Variants in ANO2 observed in about 807,000 individuals in gnomAD.
The protein encoded by ANO2 is anoctamin 2.
Under a neutral mutation model 124.2 loss-of-function variants are expected in ANO2, and 101 were observed. The ratio of observed to expected loss-of-function variants is 0.81; its 90% confidence interval spans 0.69 to 0.96. The LOEUF is 0.96. Among genes scored for constraint, ANO2 ranks in the 40% least tolerant of loss-of-function variants. The pLI, the probability that ANO2 is intolerant of heterozygous loss-of-function variation, is 0.00. For synonymous variants in ANO2, 486 were observed against 482.5 expected (o/e 1.01, Z -0.09); for missense variants, 1,293 against 1,274.5 (o/e 1.01, Z -0.22).
chr12:5,616,926 T>A (rs1015918622), intron 16 of ANO2, among the ~76,000 whole-genome samples: 1 of 139,028 alleles, frequency 7.2e-6, no homozygotes, highest in African/African-American at 2.8e-5. Flanking sequence ...ACTCTCCAGA[T>A]CACACAGTGC....
intron 8 of ANO2, among the ~76,000 whole-genome samples, chr12:5,806,940 G>A (rs535543943): frequency 9.2e-5 from 14 of 152,132 alleles, no homozygotes; most frequent in Non-Finnish European, 1.6e-4. Context: ...GATTACTCAC[G>A]CCTTTCAGTC....
At chr12:5,891,407 C>G (rs551253333) in intron 3 of ANO2, among the ~76,000 whole-genome samples, 1 of 152,308 alleles carries the variant, frequency 6.6e-6, no homozygotes, top group Admixed American at 6.5e-5. Flanking sequence ...CCTTTCACCA[C>G]TTGGCCCCAG....
chr12:5,803,941 C>T (rs1317166039), intron 9 of ANO2, among the ~76,000 whole-genome samples: 2 of 152,130 alleles, frequency 1.3e-5, no homozygotes, highest in Non-Finnish European at 2.9e-5. Context: ...GGAACAGCCA[C>T]AGATGGTAAG....
intron 12 of ANO2, chr12:5,740,205 C>T: frequency 1.3e-5 from 4 of 314,062 alleles, no homozygotes; most frequent in South Asian, 1.1e-4. Flanking sequence ...ACTCAGATTC[C>T]CTCCTTTGAA....
At chr12:5,847,600 C>T (rs1954723625) in intron 4 of ANO2, among the ~76,000 whole-genome samples, 1 of 152,078 alleles carries the variant, frequency 6.6e-6, no homozygotes, top group African/African-American at 2.4e-5. Context: ...CACCATGAAC[C>T]AGGAAGAAGT....
At position 5,839,524 on chromosome 12, in the gene ANO2, C is replaced by T. The variant is rs1367237709; in HGVS notation, c.634-6921G>A. On this transcript the variant is annotated intron_variant, in intron 4 of 24. Transcript: ENST00000682330. ...GACTAAATACTTTAAAAAGTATTGT[C>T]CAAGGCTACCACTCCATGGCTCTGA... 5.7e-5 allele frequency: 26 copies of T among 454,356 alleles called. 1 individual carries two copies. The Middle Eastern group carries it at 9.8e-4, about 17-fold the overall frequency. The allele number at this position is 454,356 out of a possible 1,614,324, so 28.1% of individuals were successfully genotyped here. A position where few individuals can be genotyped will look rare whatever the true frequency, so the allele number is the denominator to read the frequency against.
At chr12:5,568,304 G>A (rs1044167001) in intron 23 of ANO2, among the ~76,000 whole-genome samples, 2 of 151,680 alleles carry the variant, frequency 1.3e-5, no homozygotes, top group African/African-American at 4.8e-5. Context: ...ACCACACCCG[G>A]CTAATTTTTT....
chr12:5,929,754 T>C (rs551525325), intron 1 of ANO2, among the ~76,000 whole-genome samples: 2 of 151,440 alleles, frequency 1.3e-5, no homozygotes, highest in African/African-American at 4.9e-5. Flanking sequence ...TTACCAGTCT[T>C]CCTTCCTTAC....
intron 14 of ANO2, among the ~76,000 whole-genome samples, chr12:5,714,048 C>G (rs2093385598): frequency 6.6e-6 from 1 of 152,188 alleles, no homozygotes; most frequent in Non-Finnish European, 1.5e-5. Flanking sequence ...TGAGTAACTT[C>G]CCCGCTTCTC....
chr12:5,670,584 G>A (rs1344889865), intron 14 of ANO2, among the ~76,000 whole-genome samples: 1 of 152,090 alleles, frequency 6.6e-6, no homozygotes, highest in East Asian at 1.9e-4. Context: ...GCCCAGGCTG[G>A]AGTACAGTGG....
chr12:5,661,417 T>C (rs1033121854), intron 14 of ANO2, among the ~76,000 whole-genome samples: 3 of 152,206 alleles, frequency 2.0e-5, no homozygotes, highest in Non-Finnish European at 4.4e-5. Flanking sequence ...TACATAAACA[T>C]GGAAGGGAAT....
chr12:5,901,162 C>A (rs915965730), intron 3 of ANO2, among the ~76,000 whole-genome samples: 2 of 152,192 alleles, frequency 1.3e-5, no homozygotes, highest in African/African-American at 4.8e-5. Flanking sequence ...TAACAATGAG[C>A]AGATTCAACC....
Position 5,578,435 on chromosome 12 carries a change from C to A in ANO2, c.2317G>T (p.Val773Leu), listed in dbSNP as rs558854484. The change falls in exon 21 of 25, where the codon GTG becomes TTG. Residue 773 changes from valine (V) to leucine (L), a missense_variant. Coordinates refer to ENST00000682330, the MANE Select transcript of ANO2 (RefSeq NM_001364791.2). ...ACAAACTTCTTTGCATCGAGCCGCA[C>A]TTCAATGACGTTGTTGAGGAGGGCA... ...VFALLNNVIE[V>L]RLDAKKFVTE... 2.5e-6 allele frequency: 4 copies of A among 1,613,998 alleles called. No individual in the cohort carries two copies. Among genetic ancestry groups the A allele is most frequent in the Non-Finnish European group, 3.4e-6 (4 of 1,179,884 alleles).
chr12:5,600,389 A>G (rs1445947335), intron 19 of ANO2, among the ~76,000 whole-genome samples: 2 of 152,188 alleles, frequency 1.3e-5, no homozygotes, highest in African/African-American at 4.8e-5. Flanking sequence ...GAGAAAATAA[A>G]TTTCTGTCAG....
At chr12:5,844,723 A>G (rs770875830) in intron 4 of ANO2, among the ~76,000 whole-genome samples, 4 of 152,136 alleles carry the variant, frequency 2.6e-5, no homozygotes, top group Non-Finnish European at 5.9e-5. Context: ...AGGATTCTTT[A>G]ATCTAGGATG....
Position 5,563,394 on chromosome 12 carries a change from C to T in ANO2, c.2902G>A (p.Asp968Asn). 1 of 1,609,002 alleles carries T rather than the reference C, an allele frequency of 6.2e-7. No homozygotes were observed. The highest frequency in any genetic ancestry group is 1.1e-5 in the South Asian group (1 of 90,218). Residue 968 changes from aspartate (D) to asparagine (N), a missense_variant, in exon 25 of 25, where the codon GAT (aspartate) becomes AAT (asparagine). Transcript: ENST00000682330. ...EPALRSPGGG[D>N]RSRSRAASSA... Reference sequence around the variant, plus strand: ...CTGGCTGCCCGGCTCCTGCTTCGATCCCCACCTCCTGGGCTCCTCAGAGCC... The same window carrying T: ...CTGGCTGCCCGGCTCCTGCTTCGATTCCCACCTCCTGGGCTCCTCAGAGCC...
At chr12:5,698,070 T>C in intron 14 of ANO2, among the ~76,000 whole-genome samples, 1 of 152,214 alleles carries the variant, frequency 6.6e-6, no homozygotes, top group East Asian at 1.9e-4. Flanking sequence ...GACTTAAATG[T>C]CCCTGTCTGA....
At chr12:5,691,416 G>A (rs1948940249) in intron 14 of ANO2, among the ~76,000 whole-genome samples, 1 of 152,004 alleles carries the variant, frequency 6.6e-6, no homozygotes, top group Non-Finnish European at 1.5e-5. Flanking sequence ...CCTGGTAGGT[G>A]GAATAAAGCA....
chr12:5,927,599 T>C (rs1376779216), intron 1 of ANO2, among the ~76,000 whole-genome samples: 1 of 152,234 alleles, frequency 6.6e-6, no homozygotes, highest in Non-Finnish European at 1.5e-5. Flanking sequence ...CCAACGACCA[T>C]TTCCTCATTT....
Sources: allele counts gnomAD v4.1 joint callset (sites outside exome capture counted in the v4.1 genomes callset), GRCh38; gene constraint gnomAD v4.1.1; transcripts MANE v1.5; gene names NCBI Gene and HGNC (gene_info 2026-07-23, HGNC 2026-07-21).